Variants in PHF24 observed in about 807,000 individuals in gnomAD.
The protein encoded by PHF24 is Galpha inhibitory interacting protein.
Under a neutral mutation model 42.6 loss-of-function variants are expected in PHF24, and 25 were observed. The ratio of observed to expected loss-of-function variants is 0.59; its 90% confidence interval spans 0.43 to 0.82. The LOEUF (loss-of-function observed/expected upper bound fraction) is 0.82. Among genes scored for constraint, PHF24 ranks in the 40% least tolerant of loss-of-function variants. The pLI, the probability that PHF24 is intolerant of heterozygous loss-of-function variation, is 0.00. For missense variants in PHF24, 470 were observed against 538.1 expected, an observed-to-expected ratio of 0.87 and a Z score of 1.25; for synonymous variants, 185 against 204.8, an observed-to-expected ratio of 0.90 and a Z score of 0.83.
chr9:34,717,433 G>A, the PHF24 span, among the ~76,000 whole-genome samples: 1 of 152,152 alleles, frequency 6.6e-6, no homozygotes, highest in South Asian at 2.1e-4. Flanking sequence ...TGTCTGCTAT[G>A]TCAAAGAGTC....
chr9:34,963,211 CG>C (rs937607727), intron 1 of PHF24, among the ~76,000 whole-genome samples: 1 of 149,274 alleles, frequency 6.7e-6, no homozygotes, highest in African/African-American at 2.5e-5. Flanking sequence ...TCGGACCCCT[CG>C]GGGCTTGGAT....
At chr9:34,942,583 G>A in the PHF24 span, among the ~76,000 whole-genome samples, 1 of 151,940 alleles carries the variant, frequency 6.6e-6, no homozygotes, top group Admixed American at 6.6e-5. Flanking sequence ...ATAACCCTGA[G>A]GGCAAATTGT....
chr9:34,750,802 C>T, the PHF24 span, among the ~76,000 whole-genome samples: 1 of 151,674 alleles, frequency 6.6e-6, no homozygotes, highest in Non-Finnish European at 1.5e-5. Flanking sequence ...AAGACAATAC[C>T]ACAAAACAAC....
chr9:34,729,259 AGT>A, the PHF24 span: 1 of 1,544,798 alleles, frequency 6.5e-7, no homozygotes, highest in African/African-American at 1.4e-5. Flanking sequence ...AGGCTTAATT[AGT>A]TCAGTTGGGA....
chr9:34,850,254 T>C, the PHF24 span, among the ~76,000 whole-genome samples: 1,752 of 152,232 alleles, frequency 0.012, 26 homozygotes, highest in African/African-American at 0.04. Context: ...AGACGTAGAT[T>C]TGGTCTTTTC....
At chr9:34,694,356 G>A in the PHF24 span, among the ~76,000 whole-genome samples, 15 of 150,992 alleles carry the variant, frequency 9.9e-5, no homozygotes, top group African/African-American at 3.6e-4. Context: ...TTGAGATGGA[G>A]TTTCACCCTT....
chr9:34,847,793 G>T, the PHF24 span, among the ~76,000 whole-genome samples: 2 of 152,102 alleles, frequency 1.3e-5, no homozygotes. Context: ...CTAATTTATT[G>T]AGAGTTTTTA....
the PHF24 span, among the ~76,000 whole-genome samples, chr9:34,861,929 C>T: frequency 1.3e-5 from 2 of 152,190 alleles, no homozygotes; most frequent in African/African-American, 4.8e-5. Flanking sequence ...TTCAGGCTGC[C>T]ATAGCAAAAT....
chr9:34,778,227 G>C, the PHF24 span, among the ~76,000 whole-genome samples: 5 of 152,082 alleles, frequency 3.3e-5, no homozygotes, highest in African/African-American at 1.2e-4. Flanking sequence ...AAAGACATGA[G>C]ACACGTACAA....
the PHF24 span, among the ~76,000 whole-genome samples, chr9:34,926,504 G>C: frequency 2.0e-5 from 3 of 152,154 alleles, no homozygotes; most frequent in South Asian, 4.1e-4. The surrounding 1 kb of genome is among the most constrained non-coding windows in gnomAD (Gnocchi z 4.3). Flanking sequence ...ACAACTGCTT[G>C]ACTGGCCTGG....
At chr9:34,851,679 A>C in the PHF24 span, among the ~76,000 whole-genome samples, 1 of 151,960 alleles carries the variant, frequency 6.6e-6, no homozygotes, top group Non-Finnish European at 1.5e-5. Context: ...TGCAGAAATC[A>C]CCTGTCTTCT....
chr9:34,891,229 CTGA>C, the PHF24 span, among the ~76,000 whole-genome samples: 1 of 152,116 alleles, frequency 6.6e-6, no homozygotes, highest in Non-Finnish European at 1.5e-5. Context: ...TGTGTAGGGG[CTGA>C]TATGTGTCAC....
the PHF24 span, among the ~76,000 whole-genome samples, chr9:34,918,913 G>A: frequency 2.0e-4 from 31 of 152,132 alleles, no homozygotes; most frequent in Admixed American, 5.2e-4. Flanking sequence ...ATCAACTTCA[G>A]AATCATTTTT....
the PHF24 span, among the ~76,000 whole-genome samples, chr9:34,731,844 A>G: frequency 6.6e-6 from 1 of 151,338 alleles, no homozygotes; most frequent in Non-Finnish European, 1.5e-5. Context: ...TAGTAGTTGT[A>G]TTTTTAGGTT....
the PHF24 span, chr9:34,917,957 G>A: frequency 2.0e-6 from 3 of 1,529,380 alleles, no homozygotes; most frequent in African/African-American, 4.1e-5. Flanking sequence ...CCAAGGCCAT[G>A]TGGGAGGAGA....
At chr9:34,675,293 G>A in the PHF24 span, among the ~76,000 whole-genome samples, 12 of 152,156 alleles carry the variant, frequency 7.9e-5, no homozygotes, top group Admixed American at 2.0e-4. Flanking sequence ...TGCAGAGGGC[G>A]TCTAGCATAC....
the PHF24 span, among the ~76,000 whole-genome samples, chr9:34,846,639 T>A: frequency 1.3e-5 from 2 of 152,180 alleles, no homozygotes; most frequent in African/African-American, 2.4e-5. Context: ...TTTTGTTGCC[T>A]TTGCTTTTGA....
At chr9:34,840,417 TCTC>T in the PHF24 span, among the ~76,000 whole-genome samples, 11 of 151,594 alleles carry the variant, frequency 7.3e-5, no homozygotes, top group African/African-American at 7.3e-5. Context: ...TTTCCCTCCT[TCTC>T]CTCCTCCTCC....
chr9:34,967,614 G>A (rs1247740419), intron 1 of PHF24, among the ~76,000 whole-genome samples: 1 of 152,136 alleles, frequency 6.6e-6, no homozygotes, highest in Non-Finnish European at 1.5e-5. Context: ...CTCTCTTGGG[G>A]TACCTCTGTC....
Sources: allele counts gnomAD v4.1 joint callset (sites outside exome capture counted in the v4.1 genomes callset), GRCh38; gene constraint gnomAD v4.1.1; non-coding constraint Gnocchi (gnomAD v3.1); transcripts MANE v1.5; gene names NCBI Gene and HGNC (gene_info 2026-07-23, HGNC 2026-07-21).